Variants in YWHAE observed in about 807,000 individuals in gnomAD.
YWHAE encodes the protein tyrosine 3-monooxygenase/tryptophan 5-monooxygenase activation protein epsilon.
YWHAE carries 4 observed loss-of-function variants against 30.1 expected under a neutral mutation model. The ratio of observed to expected loss-of-function variants is 0.13; its 90% CI spans 0.07 to 0.30. The LOEUF is 0.30. Ranked by LOEUF, YWHAE falls within the 10% of genes least tolerant of loss-of-function variation. The pLI is 1.00. For synonymous variants in YWHAE, 118 were observed against 111.8 expected, an observed-to-expected ratio of 1.06 and a Z score of -0.35; for missense variants, 121 against 315.9, an observed-to-expected ratio of 0.38 and a Z score of 4.68.
At chr17:1,346,712 C>A (rs1477212337) in intron 5 of YWHAE, among the ~76,000 whole-genome samples, 2 of 152,200 alleles carry the variant, frequency 1.3e-5, no homozygotes, top group Non-Finnish European at 2.9e-5. Flanking sequence ...TAACGCCGGG[C>A]ACGGTGGCTC....
chr17:1,362,076 A>C (rs1223679572), intron 2 of YWHAE, 68 bp from the exon 3 acceptor site: 2 of 968,344 alleles, frequency 2.1e-6, no homozygotes, highest in Non-Finnish European at 2.9e-6. Context: ...TACATATTCT[A>C]TCTCTGGTTT....
chr17:1,356,567 G>T (rs1370547078), intron 4 of YWHAE, among the ~76,000 whole-genome samples: 2 of 152,220 alleles, frequency 1.3e-5, no homozygotes. Flanking sequence ...CTAGACTGGA[G>T]TCTGACAAGG....
chr17:1,356,398 AAAGT>A (rs1309918853), intron 4 of YWHAE, among the ~76,000 whole-genome samples: 3 of 152,184 alleles, frequency 2.0e-5, no homozygotes, highest in Non-Finnish European at 2.9e-5. Context: ...TATTCCAAAT[AAAGT>A]ATTTCAGGGA....
In YWHAE at chr17:1,399,977, T is replaced by A. The variant is rs555951273; in HGVS notation, c.64+70A>T. ...CAGACGATGCCGCCATTTTGTCTCCTGTTCCCGGCCTCTGTGGGCGGCGGC... is the reference window on the plus strand; with the variant it reads ...CAGACGATGCCGCCATTTTGTCTCCAGTTCCCGGCCTCTGTGGGCGGCGGC... On this transcript the variant is annotated intron_variant, in intron 1 of 5. Transcript: ENST00000264335. 18 of 1,591,120 alleles carry A rather than the reference T, an allele frequency of 1.1e-5. No homozygotes were observed. The Admixed American group carries it at 1.7e-4, about 15-fold the overall frequency.
intron 1 of YWHAE, among the ~76,000 whole-genome samples, chr17:1,370,785 A>G (rs2073029850): frequency 6.6e-6 from 1 of 151,974 alleles, no homozygotes; most frequent in Non-Finnish European, 1.5e-5. Flanking sequence ...TCACGAGGTC[A>G]GGAGATGGAG....
chr17:1,347,066 G>A (rs891482982), intron 5 of YWHAE, among the ~76,000 whole-genome samples: 5 of 150,390 alleles, frequency 3.3e-5, no homozygotes, highest in Middle Eastern at 3.5e-3. Context: ...GGTGGCTCAC[G>A]CCTGTAATAC....
At chr17:1,371,525 TTA>T (rs2073042474) in intron 1 of YWHAE, among the ~76,000 whole-genome samples, 1 of 152,182 alleles carries the variant, frequency 6.6e-6, no homozygotes, top group African/African-American at 2.4e-5. Context: ...GCTGTTCCAT[TTA>T]TAAACCAGGC....
intron 5 of YWHAE, among the ~76,000 whole-genome samples, chr17:1,350,854 T>TA (rs2072619128): frequency 6.6e-6 from 1 of 150,684 alleles, no homozygotes. Flanking sequence ...GGTCAGGAGT[T>TA]AGAGACCAGC....
intron 5 of YWHAE, among the ~76,000 whole-genome samples, chr17:1,346,348 A>T (rs993313152): frequency 8.5e-5 from 13 of 152,118 alleles, no homozygotes; most frequent in East Asian, 5.8e-4. Context: ...GTACTTTTTT[A>T]AAAAAACCAC....
chr17:1,348,909 C>A (rs1369927592), intron 5 of YWHAE, among the ~76,000 whole-genome samples: 1 of 151,528 alleles, frequency 6.6e-6, no homozygotes, highest in Non-Finnish European at 1.5e-5. Flanking sequence ...ACCTGTAGTC[C>A]CAGCTACCAG....
At chr17:1,362,112 A>C (rs2072873738) in intron 2 of YWHAE, 104 bp from the exon 3 acceptor site, 1 of 639,172 alleles carries the variant, frequency 1.6e-6, no homozygotes, top group Admixed American at 3.7e-5. Context: ...AGTATTAAAA[A>C]GAATTTGTAT....
chr17:1,377,110 C>T (rs1305586971), intron 1 of YWHAE, among the ~76,000 whole-genome samples: 2 of 152,118 alleles, frequency 1.3e-5, no homozygotes, highest in East Asian at 1.9e-4. Flanking sequence ...GACAGGGTTT[C>T]ACCATGTTGG....
At position 1,362,024 on chromosome 17, in the gene YWHAE, T is replaced by A. The variant is rs73976212; in HGVS notation, c.265-16A>T. 4,565 of 1,222,004 alleles carry A rather than the reference T, an allele frequency of 3.7e-3. 20 individuals carry two copies. The highest frequency in any genetic ancestry group is 0.034 in the East Asian group (1,330 of 38,664). 75.7% of individuals were successfully genotyped at this position (1,222,004 alleles called of 1,614,324 possible). A position where few individuals can be genotyped will look rare whatever the true frequency, so the allele number is the denominator to read the frequency against. On this transcript the variant is annotated splice_polypyrimidine_tract_variant and intron_variant, in intron 2 of 5. Transcript: ENST00000264335. ...CAGTCTCAACCTAAAAAAAAAAAAA[T>A]TTTTTTTAAATCAGATTAAGTCTAG...
chr17:1,373,623 G>C (rs1034004429), intron 1 of YWHAE, among the ~76,000 whole-genome samples: 1 of 151,704 alleles, frequency 6.6e-6, no homozygotes, highest in African/African-American at 2.4e-5. Context: ...AGTAGAGATC[G>C]TGGCACTGCA....
At chr17:1,351,050 C>A (rs1163091872) in intron 5 of YWHAE, among the ~76,000 whole-genome samples, 5 of 148,266 alleles carry the variant, frequency 3.4e-5, no homozygotes, top group African/African-American at 1.3e-4. Flanking sequence ...CAGGGAGAGA[C>A]TCCGTCTCAC....
At chr17:1,391,894 G>A (rs913259599) in intron 1 of YWHAE, among the ~76,000 whole-genome samples, 2 of 152,122 alleles carry the variant, frequency 1.3e-5, no homozygotes, top group Non-Finnish European at 2.9e-5. Flanking sequence ...CATCAGCCTG[G>A]GCAATCCGCT....
chr17:1,367,772 A>G (rs898526981), intron 1 of YWHAE, among the ~76,000 whole-genome samples: 2 of 152,218 alleles, frequency 1.3e-5, no homozygotes, highest in African/African-American at 4.8e-5. Flanking sequence ...GGATTTTATC[A>G]TTCCATTTAT....
chr17:1,344,900 G>A lies in YWHAE; in HGVS notation c.*547C>T, dbSNP rs1011899316. 5 of 233,264 alleles carry A rather than the reference G, an allele frequency of 2.1e-5. No homozygotes were observed. Among genetic ancestry groups the A allele is most frequent in the Admixed American group, 1.7e-4 (3 of 17,764 alleles). 14.4% of individuals were successfully genotyped at this position (233,264 alleles called of 1,614,324 possible). A position where few individuals can be genotyped will look rare whatever the true frequency, so the allele number is the denominator to read the frequency against. On this transcript the variant is annotated 3_prime_UTR_variant, in exon 6 of 6. Transcript: ENST00000264335. Reference sequence around the variant, plus strand: ...CCATGCTTTTCAGCAACATTTCAGCGGAGTTGGAAACATTTTTTACAGCAA... The same window carrying A: ...CCATGCTTTTCAGCAACATTTCAGCAGAGTTGGAAACATTTTTTACAGCAA...
intron 1 of YWHAE, among the ~76,000 whole-genome samples, chr17:1,381,652 A>C (rs1341090556): frequency 6.6e-6 from 1 of 152,178 alleles, no homozygotes; most frequent in Non-Finnish European, 1.5e-5. Context: ...GCAAAGGCTC[A>C]GGCCTGTAAT....
Sources: allele counts gnomAD v4.1 joint callset (sites outside exome capture counted in the v4.1 genomes callset), GRCh38; gene constraint gnomAD v4.1.1; transcripts MANE v1.5; gene names NCBI Gene and HGNC (gene_info 2026-07-23, HGNC 2026-07-21).